The following CADM1 variants were observed in gnomAD, a reference collection of about 807,000 sequenced individuals.
The protein encoded by CADM1 is TSLC-1.
CADM1 carries 15 observed loss-of-function variants against 53.1 expected under a neutral mutation model. The ratio of observed to expected loss-of-function variants is 0.28; its 90% CI spans 0.19 to 0.44. CADM1 has a LOEUF of 0.44. Ranked by LOEUF, CADM1 falls within the 20% of genes least tolerant of loss-of-function variation. The probability of loss-of-function intolerance (pLI) is 1.00; values close to 1 mark genes in which losing one functional copy is unlikely to be tolerated. For missense variants in CADM1, 434 were observed against 611.3 expected (o/e 0.71, Z 3.06); for synonymous variants, 281 against 243.0 (o/e 1.16, Z -1.45).
At chr11:115,193,618 A>T (rs1348677692) in intron 9 of CADM1, among the ~76,000 whole-genome samples, 1 of 152,240 alleles carries the variant, frequency 6.6e-6, no homozygotes, top group African/African-American at 2.4e-5. Context: ...AACCTCAAAA[A>T]ATTAGAAACA....
intron 1 of CADM1, among the ~76,000 whole-genome samples, chr11:115,387,711 G>T (rs1363287437): frequency 6.6e-6 from 1 of 152,126 alleles, no homozygotes; most frequent in East Asian, 1.9e-4. Context: ...CATTCTCTGT[G>T]AAAATGGTTT....
chr11:115,353,995 T>C (rs7120311), intron 1 of CADM1, among the ~76,000 whole-genome samples: 41,214 of 152,028 alleles, frequency 0.27, 6,216 homozygotes, highest in East Asian at 0.47. Flanking sequence ...TTGTTTAAAA[T>C]CATGCACAGG....
chr11:115,230,256 T>G (rs1363542232), intron 4 of CADM1, among the ~76,000 whole-genome samples: 2 of 152,236 alleles, frequency 1.3e-5, no homozygotes, highest in African/African-American at 4.8e-5. Flanking sequence ...CTAAAAGGGC[T>G]GATTCTTTCA....
At chr11:115,415,780 G>T (rs1947579723) in intron 1 of CADM1, among the ~76,000 whole-genome samples, 2 of 127,816 alleles carry the variant, frequency 1.6e-5, no homozygotes, top group Admixed American at 9.8e-5. Context: ...AGCTGAGATT[G>T]CTCCACTGCA....
intron 1 of CADM1, among the ~76,000 whole-genome samples, chr11:115,318,450 G>T (rs1944732851): frequency 6.6e-6 from 1 of 152,178 alleles, no homozygotes; most frequent in Non-Finnish European, 1.5e-5. Flanking sequence ...GATGAAACTA[G>T]AGTCATAATG....
At chr11:115,177,420 A>C (rs963262033) in intron 11 of CADM1, among the ~76,000 whole-genome samples, 1 of 152,206 alleles carries the variant, frequency 6.6e-6, no homozygotes, top group Non-Finnish European at 1.5e-5. Context: ...GTAGAAGTTA[A>C]ACTGCCTACC....
At chr11:115,316,570 T>C (rs1229933650) in intron 1 of CADM1, among the ~76,000 whole-genome samples, 1 of 152,072 alleles carries the variant, frequency 6.6e-6, no homozygotes, top group Admixed American at 6.6e-5. Context: ...AAGAATCTTA[T>C]CCAGACACAA....
chr11:115,503,670 C>G (rs1242315894), intron 1 of CADM1, among the ~76,000 whole-genome samples: 1 of 152,102 alleles, frequency 6.6e-6, no homozygotes, highest in Non-Finnish European at 1.5e-5. Flanking sequence ...GAGGGAAACA[C>G]GAGAGGCGTG....
intron 1 of CADM1, among the ~76,000 whole-genome samples, chr11:115,270,357 T>G (rs1943263514): frequency 6.6e-6 from 1 of 152,164 alleles, no homozygotes; most frequent in Non-Finnish European, 1.5e-5. Flanking sequence ...GGGGGAAAAA[T>G]GTTGATTCAG....
chr11:115,366,499 T>C (rs943035083), intron 1 of CADM1, among the ~76,000 whole-genome samples: 3 of 152,242 alleles, frequency 2.0e-5, no homozygotes, highest in Non-Finnish European at 4.4e-5. Context: ...TCGGAGATCC[T>C]GAAATGTCTC....
At chr11:115,476,792 T>G (rs1949142167) in intron 1 of CADM1, among the ~76,000 whole-genome samples, 1 of 152,178 alleles carries the variant, frequency 6.6e-6, no homozygotes. Context: ...TACTTAACTT[T>G]GTCATCCTAC....
chr11:115,366,256 A>T (rs1201315612), intron 1 of CADM1, among the ~76,000 whole-genome samples: 1 of 152,222 alleles, frequency 6.6e-6, no homozygotes, highest in Admixed American at 6.5e-5. Context: ...TTGCTAAGCA[A>T]ATTGCCTGTC....
intron 1 of CADM1, among the ~76,000 whole-genome samples, chr11:115,433,085 C>T (rs1432275173): frequency 6.6e-6 from 1 of 152,186 alleles, no homozygotes; most frequent in Non-Finnish European, 1.5e-5. Context: ...TACAGCCACA[C>T]AGCTGTTTGG....
intron 3 of CADM1, among the ~76,000 whole-genome samples, chr11:115,231,918 G>A (rs535809207): frequency 2.0e-5 from 3 of 152,144 alleles, no homozygotes; most frequent in South Asian, 2.1e-4. Context: ...CCTGGGAGGC[G>A]GAGGTTACAG....
intron 8 of CADM1, chr11:115,207,305 G>C (rs1261018287): frequency 6.6e-6 from 1 of 152,154 alleles, no homozygotes; most frequent in Non-Finnish European, 1.5e-5. Flanking sequence ...ACATTACCTT[G>C]AGCTGAGAGT....
intron 1 of CADM1, among the ~76,000 whole-genome samples, chr11:115,320,677 T>A (rs943968061): frequency 6.6e-6 from 1 of 151,456 alleles, no homozygotes; most frequent in Admixed American, 6.6e-5. Flanking sequence ...CTGAAGTTGG[T>A]GGGAATCCAG....
intron 1 of CADM1, among the ~76,000 whole-genome samples, chr11:115,375,530 T>C (rs1463120865): frequency 1.3e-5 from 2 of 152,210 alleles, no homozygotes; most frequent in Non-Finnish European, 2.9e-5. Context: ...AGTAGACTAC[T>C]ATTCAGCAAT....
At chr11:115,467,384 G>A (rs1454976819) in intron 1 of CADM1, among the ~76,000 whole-genome samples, 3 of 152,208 alleles carry the variant, frequency 2.0e-5, no homozygotes, top group African/African-American at 7.2e-5. Context: ...GCTTGAAGGT[G>A]CAAGGCTGCT....
At chr11:115,192,703 T>C (rs1214600525) in intron 9 of CADM1, among the ~76,000 whole-genome samples, 4 of 152,204 alleles carry the variant, frequency 2.6e-5, no homozygotes, top group Non-Finnish European at 4.4e-5. Context: ...GTAGCTTTAC[T>C]GCTGAAGGCT....
Sources: gnomAD v4.1 joint callset for allele counts (sites outside exome capture counted in the v4.1 genomes callset) on GRCh38, gnomAD v4.1.1 for gene constraint, MANE v1.5 for transcripts, NCBI Gene and HGNC (gene_info 2026-07-23, HGNC 2026-07-21) for gene names.